ADGRL2: variants seen among roughly 807,000 people sequenced by gnomAD.
ADGRL2 encodes calcium-independent alpha-latrotoxin receptor 2.
A neutral mutation model predicts 157.4 loss-of-function variants in ADGRL2; 44 were observed. The observed-to-expected ratio is 0.28, with a 90% CI of 0.22 to 0.36. ADGRL2 has a LOEUF of 0.36. Among genes scored for constraint, ADGRL2 ranks in the 10% least tolerant of loss-of-function variants. ADGRL2 has a pLI of 1.00. For missense variants in ADGRL2, 1,510 were observed against 1,768.9 expected (o/e 0.85, Z 2.63); for synonymous variants, 585 against 624.7 (o/e 0.94, Z 0.95).
At chr1:81,484,419 G>A (rs1174653357) in intron 2 of ADGRL2, among the ~76,000 whole-genome samples, 1 of 152,138 alleles carries the variant, frequency 6.6e-6, no homozygotes, top group East Asian at 1.9e-4. Context: ...ATCCACAGGT[G>A]TTTAAGTAGC....
intron 1 of ADGRL2, among the ~76,000 whole-genome samples, chr1:81,801,964 G>A (rs1041519640): frequency 1.3e-4 from 19 of 151,076 alleles, no homozygotes; most frequent in African/African-American, 4.4e-4. Flanking sequence ...GAAACTGCGG[G>A]AAAATGTTGA....
intron 1 of ADGRL2, among the ~76,000 whole-genome samples, chr1:81,345,592 T>C (rs1202019002): frequency 6.6e-6 from 1 of 152,192 alleles, no homozygotes; most frequent in Non-Finnish European, 1.5e-5. Flanking sequence ...ATAGAATAAT[T>C]TTCACTTTGT....
chr1:81,746,863 T>C (rs1571047647), intron 1 of ADGRL2, among the ~76,000 whole-genome samples: 1 of 150,102 alleles, frequency 6.7e-6, no homozygotes, highest in South Asian at 2.1e-4. Flanking sequence ...TGCACACGTA[T>C]ACACGTATAT....
intron 8 of ADGRL2, 124 bp downstream of exon 8, chr1:81,951,245 A>AC (rs1651705952): frequency 3.3e-6 from 2 of 602,524 alleles, no homozygotes; most frequent in Admixed American, 6.2e-5. Flanking sequence ...AAGTAAAAAA[A>AC]AATTACGCAT....
chr1:81,826,375 C>T (rs2091481208), intron 1 of ADGRL2, among the ~76,000 whole-genome samples: 1 of 152,154 alleles, frequency 6.6e-6, no homozygotes, highest in African/African-American at 2.4e-5. Flanking sequence ...TTCTTTAATA[C>T]ATATGACTAT....
At chr1:81,763,524 G>A (rs1437573483) in intron 2 of ADGRL2, among the ~76,000 whole-genome samples, 2 of 148,078 alleles carry the variant, frequency 1.4e-5, no homozygotes, top group South Asian at 2.2e-4. Flanking sequence ...AGGAGGCGGA[G>A]GTTGCAGTGA....
intron 2 of ADGRL2, among the ~76,000 whole-genome samples, chr1:81,497,640 A>G (rs889497941): frequency 6.6e-6 from 1 of 152,164 alleles, no homozygotes; most frequent in Non-Finnish European, 1.5e-5. Flanking sequence ...GTGTGACTTT[A>G]AGCAAGTTGT....
intron 1 of ADGRL2, among the ~76,000 whole-genome samples, chr1:81,345,935 A>G (rs1242606043): frequency 6.6e-6 from 1 of 152,112 alleles, no homozygotes; most frequent in African/African-American, 2.4e-5. Context: ...TCTATTCTGG[A>G]TTCTGAATTT....
At chr1:81,590,927 A>G (rs1474869957) in intron 3 of ADGRL2, among the ~76,000 whole-genome samples, 1 of 152,132 alleles carries the variant, frequency 6.6e-6, no homozygotes, top group East Asian at 1.9e-4. Context: ...ACATAGCTTT[A>G]TATTCTGCCA....
At chr1:81,393,434 A>G (rs1221734970) in intron 1 of ADGRL2, among the ~76,000 whole-genome samples, 2 of 151,940 alleles carry the variant, frequency 1.3e-5, no homozygotes. Flanking sequence ...TAAAACACCA[A>G]TTACTTCATA....
At chr1:81,684,154 T>G (rs1348037294) in intron 3 of ADGRL2, among the ~76,000 whole-genome samples, 1 of 152,172 alleles carries the variant, frequency 6.6e-6, no homozygotes, top group African/African-American at 2.4e-5. Context: ...TACCCAGTAG[T>G]GGGATTGCTG....
intron 1 of ADGRL2, among the ~76,000 whole-genome samples, chr1:81,824,046 A>G (rs182525663): frequency 4.5e-4 from 69 of 152,290 alleles, no homozygotes; most frequent in African/African-American, 1.6e-3. Context: ...GTGATAAGCG[A>G]AAGTCATGGT....
At chr1:81,960,138 T>TA (rs1021259148) in intron 11 of ADGRL2, among the ~76,000 whole-genome samples, 2 of 152,054 alleles carry the variant, frequency 1.3e-5, no homozygotes, top group East Asian at 1.9e-4. Context: ...CTTTGCATAC[T>TA]AAAAAAAATA....
At chr1:81,805,427 G>A (rs2088968039) in intron 1 of ADGRL2, among the ~76,000 whole-genome samples, 1 of 151,924 alleles carries the variant, frequency 6.6e-6, no homozygotes. Flanking sequence ...TTTTACCTTA[G>A]ATGTTTGGTT....
rs139110508 is a variant in ADGRL2, at chr1:81,318,830, C to G, written c.-302+12321C>G. 6.4e-3 allele frequency among the ~76,000 whole-genome samples: 973 copies of G among 151,474 alleles called. 16 individuals carry two copies. Among genetic ancestry groups the G allele is most frequent in the African/African-American group, 0.021 (858 of 41,322 alleles). On this transcript the variant is annotated intron_variant, in intron 1 of 24. Transcript: ENST00000370721. ...AGCAAACTCACCTCTCTTAATGACT[C>G]CTTTCTTCAACTACTTTAATCATCT...
chr1:81,401,736 G>A (rs1413626793), intron 1 of ADGRL2, among the ~76,000 whole-genome samples: 1 of 152,118 alleles, frequency 6.6e-6, no homozygotes, highest in East Asian at 1.9e-4. Context: ...AAGTCACTAA[G>A]CAGCATCTTT....
At chr1:81,747,686 T>G (rs1055745651) in intron 1 of ADGRL2, among the ~76,000 whole-genome samples, 1 of 147,650 alleles carries the variant, frequency 6.8e-6, no homozygotes, top group Non-Finnish European at 1.5e-5. Flanking sequence ...TGAAAAATAA[T>G]TTTTCCTTTA....
chr1:81,690,577 G>T (rs1172824039), intron 3 of ADGRL2, among the ~76,000 whole-genome samples: 1 of 152,182 alleles, frequency 6.6e-6, no homozygotes, highest in African/African-American at 2.4e-5. Context: ...ATGAAATGAG[G>T]TTGAAGCCCT....
At chr1:81,366,620 C>T (rs1474570645) in intron 1 of ADGRL2, among the ~76,000 whole-genome samples, 1 of 152,146 alleles carries the variant, frequency 6.6e-6, no homozygotes, top group Non-Finnish European at 1.5e-5. Flanking sequence ...CTTGCTTTAA[C>T]ATAGAAATAA....
Sources: allele counts gnomAD v4.1 joint callset (sites outside exome capture counted in the v4.1 genomes callset), GRCh38; gene constraint gnomAD v4.1.1; transcripts MANE v1.5; gene names NCBI Gene and HGNC (gene_info 2026-07-23, HGNC 2026-07-21).